ISG20L2: variants seen among roughly 807,000 people sequenced by gnomAD.
The protein encoded by ISG20L2 is interferon stimulated exonuclease gene 20 like 2, also known as interferon-stimulated 20 kDa exonuclease-like 2.
Under a neutral mutation model 27.8 loss-of-function variants are expected in ISG20L2, and 14 were observed. The observed-to-expected ratio is 0.50, with a 90% CI of 0.33 to 0.79. The LOEUF (loss-of-function observed/expected upper bound fraction) is 0.79. ISG20L2 is among the 30% of genes least tolerant of loss of function. ISG20L2 has a pLI of 0.02. For missense variants in ISG20L2, 393 were observed against 435.1 expected (o/e 0.90, Z 0.86); for synonymous variants, 157 against 165.7 (o/e 0.95, Z 0.40).
rs926947860 is a variant in ISG20L2, at chr1:156,727,451, C to T, written c.202G>A (p.Asp68Asn). The change falls in exon 2 of 4, where the codon GAT becomes AAT. Residue 68 changes from aspartate (D) to asparagine (N), a missense_variant. By Grantham distance (23) the Asp-to-Asn change is conservative. Coordinates refer to ENST00000368219, the MANE Select transcript of ISG20L2 (RefSeq NM_001370150.2). ...AAGGAAGGGGTCTTCCAAGTGCCAT[C>T]GACCGTAGGAGTTTCCCCTTTCTTT... ...PSKKGETPTV[D>N]GTWKTPSFPK... 2 of 1,613,976 alleles carry T rather than the reference C, an allele frequency of 1.2e-6. No homozygotes were observed. The highest frequency in any genetic ancestry group is 1.7e-5 in the Admixed American group (1 of 59,964).
chr1:156,724,955 CTGTT>C (rs1648687161), intron 2 of ISG20L2: 2 of 151,986 alleles, frequency 1.3e-5, no homozygotes, highest in Non-Finnish European at 1.5e-5. Flanking sequence ...TTTCAGGAAA[CTGTT>C]TTTTTTTTTT....
At chr1:156,723,526 C>T (rs936465253) in intron 3 of ISG20L2, 64 bp from the exon 4 acceptor site, 10 of 1,602,332 alleles carry the variant, frequency 6.2e-6, no homozygotes, top group African/African-American at 1.3e-5. Context: ...TCCCAGTGTA[C>T]TCTCTGTACT....
At chr1:156,726,810 CGTT>C (rs1437650099) in intron 2 of ISG20L2, 93 bp downstream of exon 2, 1 of 1,512,664 alleles carries the variant, frequency 6.6e-7, no homozygotes, top group African/African-American at 1.4e-5. Context: ...CCTCCACAAA[CGTT>C]GGTGTCTTCC....
At chr1:156,723,520 A>C in intron 3 of ISG20L2, 58 bp from the exon 4 acceptor site, 1 of 1,607,582 alleles carries the variant, frequency 6.2e-7, no homozygotes, top group African/African-American at 1.3e-5. Flanking sequence ...CTTCCTTCCC[A>C]GTGTACTCTC....
At chr1:156,725,785 G>C (rs1249351809) in intron 2 of ISG20L2, 1 of 833,806 alleles carries the variant, frequency 1.2e-6, no homozygotes, top group Non-Finnish European at 1.4e-6. Flanking sequence ...CTATGCCTTT[G>C]CTTGGCTGCG....
Position 156,723,242 on chromosome 1 carries a change from T to C in ISG20L2, c.*107A>G. On this transcript the variant is annotated 3_prime_UTR_variant, in exon 4 of 4. Transcript: ENST00000368219. ...GGGGTAGAGCTTCTCTCTCCCCAAATCTAGCTTCCAAAGATGTGGAGCTGG... is the reference window on the plus strand; with the variant it reads ...GGGGTAGAGCTTCTCTCTCCCCAAACCTAGCTTCCAAAGATGTGGAGCTGG... 4 of 1,382,310 alleles carry C rather than the reference T, an allele frequency of 2.9e-6. No individual in the cohort carries two copies. Among genetic ancestry groups the C allele is most frequent in the South Asian group, 2.5e-5 (2 of 80,022 alleles). The allele number at this position is 1,382,310 out of a possible 1,614,324, so 85.6% of individuals were successfully genotyped here. A position where few individuals can be genotyped will look rare whatever the true frequency, so the allele number is the denominator to read the frequency against.
chr1:156,725,533 G>A (rs1648714433), intron 2 of ISG20L2: 1 of 152,242 alleles, frequency 6.6e-6, no homozygotes, highest in Admixed American at 6.5e-5. Flanking sequence ...CTCCCAAAGG[G>A]ACCCCCTCTG....
intron 2 of ISG20L2, chr1:156,726,369 A>AT (rs1648757618): frequency 2.0e-6 from 2 of 985,170 alleles, no homozygotes; most frequent in African/African-American, 3.5e-5. Context: ...ACTTGCTGTT[A>AT]TTTTTCTATG....
At position 156,728,472 on chromosome 1, in the gene ISG20L2, G is replaced by A; in HGVS notation, c.-175C>T. On this transcript the variant is annotated 5_prime_UTR_variant, in exon 1 of 4. Coordinates refer to ENST00000368219, the MANE Select transcript of ISG20L2 (RefSeq NM_001370150.2). ...TCCGGAGCCGGATGCGGAAATCGGT[G>A]CGCGCCGACGAAGCCCGGGAAGGCA... is the stretch of plus-strand genomic sequence containing the variant. 2 of 985,730 alleles carry A rather than the reference G, an allele frequency of 2.0e-6. No individual in the cohort carries two copies. The highest frequency in any genetic ancestry group is 2.4e-6 in the Non-Finnish European group (2 of 829,960). 61.1% of individuals were successfully genotyped at this position (985,730 alleles called of 1,614,324 possible). A position where few individuals can be genotyped will look rare whatever the true frequency, so the allele number is the denominator to read the frequency against.
chr1:156,727,506 G>C lies in ISG20L2; in HGVS notation c.147C>G (p.Ser49Arg), dbSNP rs780911750. 7 of 1,613,948 alleles carry C rather than the reference G, an allele frequency of 4.3e-6. No individual in the cohort carries two copies. Among genetic ancestry groups the C allele is most frequent in the East Asian group, 4.5e-5 (2 of 44,892 alleles). ...GFLSKKNQPP[S>R]KAPKLHSEPS... ...GTTCAGAGTGCAACTTAGGCGCCTT[G>C]CTAGGGGGTTGGTTCTTTTTACTCA... The change falls in exon 2 of 4, where the codon AGC becomes AGG. Residue 49 changes from serine (S) to arginine (R), a missense_variant. By Grantham distance (110) the Ser-to-Arg change is moderately radical. Coordinates refer to ENST00000368219, the MANE Select transcript of ISG20L2 (RefSeq NM_001370150.2).
chr1:156,723,281 T>C lies in ISG20L2; in HGVS notation c.*68A>G. ...ATGTGGAGCTGGTGGAGCTGTCCAT[T>C]GGTCCACTGCCCTGTTTCTCCTGGG... is the stretch of plus-strand genomic sequence containing the variant. On this transcript the variant is annotated 3_prime_UTR_variant, in exon 4 of 4. Transcript: ENST00000368219. 1 of 1,588,192 alleles carries C rather than the reference T, an allele frequency of 6.3e-7. No individual in the cohort carries two copies. The highest frequency in any genetic ancestry group is 1.1e-5 in the South Asian group (1 of 89,736).
chr1:156,725,992 C>G (rs1202621032), intron 2 of ISG20L2: 30 of 985,496 alleles, frequency 3.0e-5, no homozygotes, highest in Non-Finnish European at 3.6e-5. Context: ...CTGAGACCAG[C>G]AGGTCTCTTG....
intron 2 of ISG20L2, chr1:156,724,680 G>A: frequency 9.5e-7 from 1 of 1,057,230 alleles, no homozygotes. Flanking sequence ...GTTCTGGCTT[G>A]CTACATGAAG....
chr1:156,724,275 A>G lies in ISG20L2; in HGVS notation c.821T>C (p.Phe274Ser). ...IHNDFKALQY[F>S]HPKSLTRDTS... is the part of the protein sequence containing the mutation. ...GTCACGGGTGAGGGACTTGGGGTGA[A>G]AGTACTGAAGGGCTTTGAAGTCGTT... Residue 274 changes from phenylalanine (F) to serine (S), a missense_variant, in exon 3 of 4, where the codon TTT becomes TCT. Physicochemically the swap from Phe to Ser is radical, Grantham distance 155. Around this residue, in one of 3 missense-constraint regions of ISG20L2, gnomAD observed 171 missense variants for 195.3 expected, o/e 0.88. Coordinates refer to ENST00000368219, the MANE Select transcript of ISG20L2 (RefSeq NM_001370150.2). The G allele has an allele frequency of 6.2e-7, 1 of 1,613,998 alleles. No individual in the cohort carries two copies. Among genetic ancestry groups the G allele is most frequent in the South Asian group, 1.1e-5 (1 of 91,070 alleles).
At position 156,728,627 on chromosome 1, in the gene ISG20L2, T is replaced by TGGGGGGGGGGGGGGGGGGGGG; in HGVS notation, c.-331_-330insCCCCCCCCCCCCCCCCCCCCC. 1 of 258,610 alleles carries TGGGGGGGGGGGGGGGGGGGGG rather than the reference T, an allele frequency of 3.9e-6. No individual in the cohort carries two copies. 16.0% of individuals were successfully genotyped at this position (258,610 alleles called of 1,614,324 possible). Reference sequence around the variant, plus strand: ...GCGGCGGAGGAGGGGGCGGCGTGGGTGGGGGCGGGGGCGGGATGCGCTCCC... The same window carrying TGGGGGGGGGGGGGGGGGGGGG: ...GCGGCGGAGGAGGGGGCGGCGTGGGTGGGGGGGGGGGGGGGGGGGGGGGGGGCGGGGGCGGGATGCGCTCCC... On this transcript the variant is annotated 5_prime_UTR_variant, in exon 1 of 4. Transcript: ENST00000368219.
Position 156,727,711 on chromosome 1 carries a change from T to G in ISG20L2, c.-59A>C. Reference sequence around the variant, plus strand: ...GAGTGGCTTATGGATGAAAAGAGGATGTGGGACTCATTCTCTGCTGAATCC... The same window carrying G: ...GAGTGGCTTATGGATGAAAAGAGGAGGTGGGACTCATTCTCTGCTGAATCC... On this transcript the variant is annotated 5_prime_UTR_variant, in exon 2 of 4. Transcript: ENST00000368219. The G allele has an allele frequency of 6.4e-7, 1 of 1,559,210 alleles. No individual in the cohort carries two copies. Among genetic ancestry groups the G allele is most frequent in the Non-Finnish European group, 8.6e-7 (1 of 1,159,940 alleles).
intron 2 of ISG20L2, 109 bp from the exon 3 acceptor site, chr1:156,724,457 G>T: frequency 7.2e-7 from 1 of 1,382,066 alleles, no homozygotes; most frequent in Non-Finnish European, 9.6e-7. Flanking sequence ...TTCACCAACT[G>T]CCTACCTCTC....
rs896799650 is a variant in ISG20L2, at chr1:156,728,551, C to T, written c.-254G>A. On this transcript the variant is annotated 5_prime_UTR_variant, in exon 1 of 4. Transcript: ENST00000368219. Reference sequence around the variant, plus strand: ...CGGCGCGCGCACACCCGCACCGCCCCGACCCCAGGTAGTGAGGCCAGTGAT... The same window carrying T: ...CGGCGCGCGCACACCCGCACCGCCCTGACCCCAGGTAGTGAGGCCAGTGAT... 5 of 985,434 alleles carry T rather than the reference C, an allele frequency of 5.1e-6. No homozygotes were observed. The East Asian group carries it at 3.4e-4, about 67-fold the overall frequency. 61.0% of individuals were successfully genotyped at this position (985,434 alleles called of 1,614,324 possible).
At chr1:156,728,081 T>G in intron 1 of ISG20L2, 1 of 998,990 alleles carries the variant, frequency 1.0e-6, no homozygotes, top group African/African-American at 1.7e-5. Flanking sequence ...TCTAAGAGGC[T>G]AGAACACGTG....
Sources: gnomAD v4.1 joint callset for allele counts on GRCh38, gnomAD v4.1.1 for gene constraint, gnomAD v4.1.1 regional missense constraint, MANE v1.5 for transcripts, NCBI Gene and HGNC (gene_info 2026-07-23, HGNC 2026-07-21) for gene names.